GCN1: variants seen among roughly 807,000 people sequenced by gnomAD.
GCN1 encodes stalled ribosome sensor GCN1.
Under a neutral mutation model 288.4 loss-of-function variants are expected in GCN1, and 90 were observed. That is an observed-to-expected ratio of 0.31 (90% confidence interval 0.26 to 0.37). The LOEUF (loss-of-function observed/expected upper bound fraction) is 0.37, where lower values mean the gene tolerates loss of function less well. Ranked by LOEUF, GCN1 falls within the 10% of genes least tolerant of loss-of-function variation. The pLI is 1.00. For synonymous variants in GCN1, 1,386 were observed against 1,420.2 expected, an observed-to-expected ratio of 0.98 and a Z score of 0.54; for missense variants, 2,586 against 3,419.9, an observed-to-expected ratio of 0.76 and a Z score of 6.08.
intron 1 of GCN1, 79 bp downstream of exon 1, chr12:120,194,601 G>T: frequency 7.6e-7 from 1 of 1,316,334 alleles, no homozygotes; most frequent in Non-Finnish European, 1.0e-6. Flanking sequence ...CTAAGCCGAG[G>T]AGCGAGAGGG....
At position 120,173,678 on chromosome 12, in the gene GCN1, C is replaced by G. The variant is rs1381435738; in HGVS notation, c.1341G>C (p.Leu447=). 1.2e-6 allele frequency: 2 copies of G among 1,611,702 alleles called. No individual in the cohort carries two copies. The highest frequency in any genetic ancestry group is 1.7e-6 in the Non-Finnish European group (2 of 1,177,900). The change falls in exon 14 of 58, where the codon CTG becomes CTC. Residue 447 remains leucine, a synonymous_variant. Transcript: ENST00000300648. ...TSTSAVRHAY[L]QCMLASYRGD... The stretch of plus-strand genomic sequence containing the variant: ...CCCGGTAAGAGGCCAACATGCACTG[C>G]AGGTAGGCATGCCTCACCGCAGATG...
intron 54 of GCN1, 151 bp downstream of exon 54, chr12:120,131,775 G>T: frequency 1.6e-6 from 1 of 617,730 alleles, no homozygotes; most frequent in African/African-American, 1.8e-5. Context: ...CACCACCCCT[G>T]GCCTGGATTT....
Position 120,127,762 on chromosome 12 carries a change from A to G in GCN1, c.*87T>C. The G allele has an allele frequency of 7.0e-7, 1 of 1,425,172 alleles. No individual in the cohort carries two copies. The highest frequency in any genetic ancestry group is 1.9e-5 in the Admixed American group (1 of 53,158). 88.3% of individuals were successfully genotyped at this position (1,425,172 alleles called of 1,614,324 possible). ...TACTTTCTGGGAACGCCATCTTCCA[A>G]GCTCCCCATTGGAACAAATGTATTT... On this transcript the variant is annotated 3_prime_UTR_variant, in exon 58 of 58. Transcript: ENST00000300648.
intron 16 of GCN1, among the ~76,000 whole-genome samples, chr12:120,167,594 A>G (rs569093965): frequency 6.6e-6 from 1 of 152,300 alleles, no homozygotes; most frequent in African/African-American, 2.4e-5. Flanking sequence ...GCAGGGGTAT[A>G]ATTTTCAATG....
rs1877830068 is a variant in GCN1 at position 120,158,653 on chromosome 12, A to C, written c.2750-38T>G. 1 of 1,553,594 alleles carries C rather than the reference A, an allele frequency of 6.4e-7. No homozygotes were observed. Among genetic ancestry groups the C allele is most frequent in the Non-Finnish European group, 8.7e-7 (1 of 1,144,340 alleles). ...GGAGAGACCCAGCAGGAGATGACAC[A>C]CAGAGATGTGGAATCCAGCCCAGGC... is the stretch of plus-strand genomic sequence containing the variant. On this transcript the variant is annotated intron_variant, in intron 24 of 57. Transcript: ENST00000300648. The surrounding 1 kb of genome is among the most constrained non-coding windows in gnomAD (Gnocchi z 4.3).
intron 56 of GCN1, among the ~76,000 whole-genome samples, chr12:120,130,197 T>C (rs939050129): frequency 2.0e-5 from 3 of 152,246 alleles, no homozygotes; most frequent in African/African-American, 7.2e-5. Flanking sequence ...AAGCACGCCA[T>C]ATCACACGGG....
rs780921625 is a variant in GCN1, at chr12:120,138,001, G to A, written c.6293C>T (p.Ser2098Leu). 1.2e-5 allele frequency: 20 copies of A among 1,613,932 alleles called. No homozygotes were observed. The highest frequency in any genetic ancestry group is 1.6e-5 in the Non-Finnish European group (19 of 1,179,980). The change falls in exon 48 of 58, where the codon TCG becomes TTG. Residue 2098 changes from serine to leucine, a missense_variant. By Grantham distance (145) the Ser-to-Leu change is moderately radical. This residue lies in a region of GCN1 where 437 missense variants were observed against 570.5 expected (regional missense o/e 0.77). Transcript: ENST00000300648. ...GGTGAGGGCATCACCAGCCACTGACGAAAGGAAAGCCAGCACCCGGGTGTT... is the reference window on the plus strand; with the variant it reads ...GGTGAGGGCATCACCAGCCACTGACAAAAGGAAAGCCAGCACCCGGGTGTT... ...PVNTRVLAFLSSVAGDALTRH... is the reference protein window; with the variant it reads ...PVNTRVLAFLLSVAGDALTRH...
chr12:120,194,572 G>A (rs957504731), intron 1 of GCN1, 108 bp downstream of exon 1: 6 of 1,052,596 alleles, frequency 5.7e-6, no homozygotes, highest in Non-Finnish European at 8.2e-6. Context: ...GACCTCCACA[G>A]CCACCACCTC....
intron 45 of GCN1, among the ~76,000 whole-genome samples, chr12:120,139,672 C>T (rs1877128162): frequency 1.3e-5 from 2 of 152,076 alleles, no homozygotes; most frequent in Admixed American, 1.3e-4. Context: ...CCCCATGTAT[C>T]CTTCACTGAG....
rs1039236677 is a variant in GCN1 at position 120,137,395 on chromosome 12, G to A, written c.6664-76C>T. Reference sequence around the variant, plus strand: ...CTTCCAAAGAATATATGGGGAAAGCGTGGGCGGGAGTATAAACAAGACTTG... The same window carrying A: ...CTTCCAAAGAATATATGGGGAAAGCATGGGCGGGAGTATAAACAAGACTTG... On this transcript the variant is annotated intron_variant, in intron 49 of 57. Coordinates refer to ENST00000300648, the MANE Select transcript of GCN1 (RefSeq NM_006836.2). The surrounding 1 kb of genome is among the most constrained non-coding windows in gnomAD (Gnocchi z 5.2). 117 of 1,414,854 alleles carry A rather than the reference G, an allele frequency of 8.3e-5. No individual in the cohort carries two copies. The highest frequency in any genetic ancestry group is 1.0e-4 in the Non-Finnish European group (105 of 1,002,818). The allele number at this position is 1,414,854 out of a possible 1,614,324, so 87.6% of individuals were successfully genotyped here.
At chr12:120,175,332 G>T in intron 11 of GCN1, 120 bp from the exon 12 acceptor site, 2 of 948,274 alleles carry the variant, frequency 2.1e-6, no homozygotes, top group Non-Finnish European at 3.4e-6. Context: ...TAGCCTTTGT[G>T]TTGTGAAGCT....
chr12:120,154,715 T>C (rs1316601522), intron 31 of GCN1, among the ~76,000 whole-genome samples: 1 of 152,220 alleles, frequency 6.6e-6, no homozygotes, highest in African/African-American at 2.4e-5. Context: ...TTTAGCCACA[T>C]GCGGTTAGTG....
intron 13 of GCN1, 24 bp from the exon 14 acceptor site, chr12:120,173,850 G>C: frequency 1.2e-6 from 2 of 1,602,956 alleles, no homozygotes; most frequent in Non-Finnish European, 1.7e-6. Flanking sequence ...CAGAAGTCCA[G>C]TCAGTCCAAT....
rs1594254287 is a variant in GCN1 at position 120,127,399 on chromosome 12, A to G, written c.*450T>C. 6.2e-6 allele frequency: 1 copy of G among 162,272 alleles called. No individual in the cohort carries two copies. Among genetic ancestry groups the G allele is most frequent in the South Asian group, 1.7e-4 (1 of 5,950 alleles). The allele number at this position is 162,272 out of a possible 1,614,324, so 10.1% of individuals were successfully genotyped here. On this transcript the variant is annotated 3_prime_UTR_variant, in exon 58 of 58. Transcript: ENST00000300648. ...TCTGACAGGGGTCAGATCCATTCAGACCTCACAATATTGAAAAGCCAAGCC... is the reference window on the plus strand; with the variant it reads ...TCTGACAGGGGTCAGATCCATTCAGGCCTCACAATATTGAAAAGCCAAGCC...
chr12:120,139,530 T>C (rs1460362261), intron 45 of GCN1, among the ~76,000 whole-genome samples: 2 of 151,692 alleles, frequency 1.3e-5, no homozygotes, highest in African/African-American at 2.4e-5. Context: ...CAGGAGGCCA[T>C]AGCGAGAGGA....
In GCN1 at chr12:120,153,386, G is replaced by C. The variant is rs1877632672; in HGVS notation, c.3889C>G (p.Pro1297Ala). The C allele has an allele frequency of 1.2e-6, 2 of 1,613,960 alleles. No individual in the cohort carries two copies. Among genetic ancestry groups the C allele is most frequent in the African/African-American group, 2.7e-5 (2 of 74,922 alleles). The change falls in exon 33 of 58, where the codon CCA (proline) becomes GCA (alanine). Residue 1297 changes from proline to alanine, a missense_variant. This residue lies in a region of GCN1 where 332 missense variants were observed against 403.0 expected (regional missense o/e 0.82). Transcript: ENST00000300648. This position sits in a 1 kb window ranked among gnomAD's most constrained non-coding sequence, Gnocchi z 4.4. Reference protein sequence around the residue: ...HGKENVNSLLPVFEEFLKNAP... With the variant: ...HGKENVNSLLAVFEEFLKNAP... The stretch of plus-strand genomic sequence containing the variant: ...TTCTTCAGGAACTCCTCGAATACTG[G>C]CAACAGCGAGTTGACGTTCTCCTGG...
chr12:120,173,515 G>C, intron 14 of GCN1, 138 bp downstream of exon 14: 1 of 636,798 alleles, frequency 1.6e-6, no homozygotes, highest in South Asian at 2.1e-5. Context: ...TAAGCCCAAT[G>C]CTCTCATTTA....
chr12:120,160,352 A>T (rs1477309814), intron 22 of GCN1, 97 bp from the exon 23 acceptor site: 1 of 827,598 alleles, frequency 1.2e-6, no homozygotes, highest in African/African-American at 1.7e-5. Context: ...AAACAGCACC[A>T]TACCAGCTCT....
intron 53 of GCN1, 77 bp from the exon 54 acceptor site, chr12:120,132,099 G>C: frequency 1.1e-6 from 1 of 933,882 alleles, no homozygotes; most frequent in South Asian, 1.4e-5. Context: ...GGCAGCTCTA[G>C]AGCCCAGGAT....
Sources: gnomAD v4.1 joint callset for allele counts (sites outside exome capture counted in the v4.1 genomes callset) on GRCh38, gnomAD v4.1.1 for gene constraint, gnomAD v4.1.1 regional missense constraint, Gnocchi (gnomAD v3.1) non-coding constraint, MANE v1.5 for transcripts, NCBI Gene and HGNC (gene_info 2026-07-23, HGNC 2026-07-21) for gene names.